Variants in WWOX observed in about 807,000 individuals in gnomAD.
The protein encoded by WWOX is WW domain-containing oxidoreductase.
A neutral mutation model predicts 46.2 loss-of-function variants in WWOX; 69 were observed. The observed-to-expected ratio is 1.49, with a 90% confidence interval of 1.23 to 1.82. WWOX has a LOEUF of 1.82. WWOX is among the 40% of genes most tolerant of loss of function. The pLI is 0.00. For missense variants in WWOX, 919 were observed against 542.6 expected, an observed-to-expected ratio of 1.69 and a Z score of -6.89; for synonymous variants, 359 against 202.6, an observed-to-expected ratio of 1.77 and a Z score of -6.56.
intron 5 of WWOX, among the ~76,000 whole-genome samples, chr16:78,314,722 C>CTTTTTTTTTTTTTTT (rs2080327193): frequency 1.2e-5 from 1 of 84,282 alleles, no homozygotes; most frequent in African/African-American, 4.3e-5. Flanking sequence ...TTTTTTTTTT[C>CTTTTTTTTTTTTTTT]TGTATTTTCA....
chr16:78,672,388 T>A (rs568858594), intron 8 of WWOX, among the ~76,000 whole-genome samples: 1 of 152,280 alleles, frequency 6.6e-6, no homozygotes, highest in East Asian at 1.9e-4. Context: ...AATACATACA[T>A]TGAAGACACC....
intron 8 of WWOX, among the ~76,000 whole-genome samples, chr16:78,582,352 AT>A (rs1413052528): frequency 6.6e-6 from 1 of 152,204 alleles, no homozygotes; most frequent in Non-Finnish European, 1.5e-5. Context: ...AATTGTATTA[AT>A]TTAGACAAGA....
At chr16:78,386,280 C>T (rs972974489) in intron 5 of WWOX, among the ~76,000 whole-genome samples, 3 of 152,236 alleles carry the variant, frequency 2.0e-5, no homozygotes, top group Admixed American at 6.5e-5. Flanking sequence ...CTATCACCAG[C>T]ATGTATTCCA....
intron 8 of WWOX, among the ~76,000 whole-genome samples, chr16:79,128,540 A>G (rs1332505869): frequency 1.3e-5 from 2 of 152,150 alleles, no homozygotes; most frequent in African/African-American, 4.8e-5. Flanking sequence ...GAATGGTACC[A>G]TGTCTTGGAC....
chr16:78,213,214 G>C (rs539473758), intron 5 of WWOX, among the ~76,000 whole-genome samples: 1 of 139,402 alleles, frequency 7.2e-6, no homozygotes, highest in South Asian at 2.3e-4. Flanking sequence ...TCATGCCACT[G>C]TACTCTAGCC....
At chr16:78,810,555 T>C (rs1316948457) in intron 8 of WWOX, among the ~76,000 whole-genome samples, 2 of 152,214 alleles carry the variant, frequency 1.3e-5, no homozygotes, top group Non-Finnish European at 2.9e-5. Flanking sequence ...CAACAACTGA[T>C]TAAAGCATTT....
intron 8 of WWOX, among the ~76,000 whole-genome samples, chr16:78,713,926 A>G (rs185760072): frequency 9.3e-4 from 142 of 152,238 alleles, no homozygotes; most frequent in African/African-American, 3.3e-3. Context: ...GTCGTTGGGG[A>G]ACAGGAAACC....
intron 8 of WWOX, among the ~76,000 whole-genome samples, chr16:78,666,614 C>G (rs151051563): frequency 7.5e-4 from 114 of 152,280 alleles, no homozygotes; most frequent in African/African-American, 2.2e-3. Flanking sequence ...CCTGGAGTCA[C>G]TGGAAAATGC....
chr16:79,048,617 G>A (rs1405078707), intron 8 of WWOX, among the ~76,000 whole-genome samples: 7 of 152,034 alleles, frequency 4.6e-5, no homozygotes, highest in Admixed American at 6.5e-5. Context: ...AATGTGTTGT[G>A]TTTTTTTGTT....
At position 78,321,394 on chromosome 16, in the gene WWOX, G is replaced by GTA. The variant is rs200296876; in HGVS notation, c.517-65459_517-65458dup. 5.7e-3 allele frequency among the ~76,000 whole-genome samples: 504 copies of GTA among 88,080 alleles called. 25 individuals carry two copies. Among genetic ancestry groups the GTA allele is most frequent in the Middle Eastern group, 0.02 (4 of 200 alleles). 57.8% of individuals were successfully genotyped at this position (88,080 alleles called of 152,430 possible). On this transcript the variant is annotated intron_variant, in intron 5 of 8. Transcript: ENST00000566780. ...TACGTATATATGCGTATATATATACGTATATATACGTATATATATATGTGT... is the reference window on the plus strand; with the variant it reads ...TACGTATATATGCGTATATATATACGTATATATATACGTATATATATATGTGT...
In WWOX at chr16:78,192,829, A is replaced by G. The variant is rs114979953; in HGVS notation, c.516+28540A>G. Among the ~76,000 whole-genome samples, 1,143 of 152,344 alleles carry G rather than the reference A, an allele frequency of 7.5e-3. 16 individuals carry two copies. The highest frequency in any genetic ancestry group is 0.026 in the African/African-American group (1,092 of 41,582). ...TGAATGTTTTGAATTATGTAACTTA[A>G]GTGAAACATAAAGCTATGACTTGAA... On this transcript the variant is annotated intron_variant, in intron 5 of 8. Transcript: ENST00000566780.
chr16:78,435,129 T>A (rs578245606), intron 8 of WWOX, among the ~76,000 whole-genome samples: 1 of 152,254 alleles, frequency 6.6e-6, no homozygotes, highest in African/African-American at 2.4e-5. Context: ...GGAGTACGTG[T>A]GCTCAGGACT....
At chr16:79,184,971 C>T (rs968922980) in intron 8 of WWOX, among the ~76,000 whole-genome samples, 11 of 152,060 alleles carry the variant, frequency 7.2e-5, no homozygotes, top group African/African-American at 2.7e-4. Flanking sequence ...TGAGTCTGTC[C>T]CTAGCACTGA....
At chr16:78,313,582 C>T (rs773960350) in intron 5 of WWOX, among the ~76,000 whole-genome samples, 5 of 152,030 alleles carry the variant, frequency 3.3e-5, no homozygotes, top group Non-Finnish European at 5.9e-5. Flanking sequence ...GTCAGGCTGG[C>T]CTCAAACTCC....
chr16:78,995,546 T>C lies in WWOX; in HGVS notation c.1057-216062T>C, dbSNP rs1395051892. Among the ~76,000 whole-genome samples, 6 of 151,658 alleles carry C rather than the reference T, an allele frequency of 4.0e-5. No individual in the cohort carries two copies. In the East Asian group the frequency reaches 1.2e-3, roughly 29 times the overall value. On this transcript the variant is annotated intron_variant, in intron 8 of 8. Transcript: ENST00000566780. The stretch of plus-strand genomic sequence containing the variant: ...GCATTCTTCTAACTGAAGATAAATA[T>C]GGTTGCCACTGTCTTTATAAAAAAA...
At chr16:79,002,984 T>G (rs962984828) in intron 8 of WWOX, among the ~76,000 whole-genome samples, 1 of 152,170 alleles carries the variant, frequency 6.6e-6, no homozygotes, top group African/African-American at 2.4e-5. Context: ...AGAAAATCAT[T>G]TAAAAACTTC....
chr16:78,780,301 TA>T (rs2142550902), intron 8 of WWOX: 1 of 152,248 alleles, frequency 6.6e-6, no homozygotes, highest in Admixed American at 6.5e-5. Context: ...TCAAGAAGCT[TA>T]AGGGTACATT....
At chr16:78,874,472 T>C (rs1257682163) in intron 8 of WWOX, among the ~76,000 whole-genome samples, 1 of 151,932 alleles carries the variant, frequency 6.6e-6, no homozygotes, top group African/African-American at 2.4e-5. Context: ...TTTCAAAAAA[T>C]TATGGACTTG....
rs374299679 is a variant in WWOX at position 78,996,378 on chromosome 16, C to CG, written c.1057-215230_1057-215229insG. The CG allele has an allele frequency of 7.7e-4, 527 of 685,514 alleles. 27 individuals carry two copies. The African/African-American group carries it at 0.014, about 18-fold the overall frequency. The allele number at this position is 685,514 out of a possible 1,614,324, so 42.5% of individuals were successfully genotyped here. On this transcript the variant is annotated intron_variant, in intron 8 of 8. Coordinates refer to ENST00000566780, the MANE Select transcript of WWOX (RefSeq NM_016373.4). ...GAGTGTGAGTGAATTCTGCACCCAC[C>CG]CCCGCCCCCCAGCTTCCCCACCTGT...
Sources: allele counts gnomAD v4.1 joint callset (sites outside exome capture counted in the v4.1 genomes callset), GRCh38; gene constraint gnomAD v4.1.1; transcripts MANE v1.5; gene names NCBI Gene and HGNC (gene_info 2026-07-23, HGNC 2026-07-21).